Variants in KAZN observed in about 807,000 individuals in gnomAD.
KAZN encodes the protein kazrin.
KAZN carries 40 observed loss-of-function variants against 87.4 expected under a neutral mutation model. The observed-to-expected ratio is 0.46, with a 90% CI of 0.36 to 0.60. The LOEUF (loss-of-function observed/expected upper bound fraction) is 0.60, where lower values mean the gene tolerates loss of function less well. Among genes scored for constraint, KAZN ranks in the 20% least tolerant of loss-of-function variants. The pLI is 0.00. For synonymous variants in KAZN, 466 were observed against 458.3 expected (o/e 1.02, Z -0.22); for missense variants, 898 against 1,073.9 (o/e 0.84, Z 2.29).
At chr1:13,929,505 G>C (rs1396397606) in intron 1 of KAZN, among the ~76,000 whole-genome samples, 1 of 152,194 alleles carries the variant, frequency 6.6e-6, no homozygotes, top group African/African-American at 2.4e-5. Flanking sequence ...TTTATGGGCA[G>C]AATGACTTTG....
At chr1:14,060,526 A>G (rs1642754167) in intron 1 of KAZN, among the ~76,000 whole-genome samples, 1 of 152,176 alleles carries the variant, frequency 6.6e-6, no homozygotes, top group South Asian at 2.1e-4. Context: ...TCAAGGTTTA[A>G]TTCAAGGGTT....
At chr1:15,038,823 A>G (rs10927645) in intron 3 of KAZN, among the ~76,000 whole-genome samples, 4,358 of 85,004 alleles carry the variant, frequency 0.051, 260 homozygotes, top group African/African-American at 0.2. Flanking sequence ...TGCACCTACT[A>G]TATACAGACA....
chr1:14,971,288 C>T (rs1178342882), intron 2 of KAZN, among the ~76,000 whole-genome samples: 1 of 152,198 alleles, frequency 6.6e-6, no homozygotes. Context: ...ATCCCAGCTA[C>T]TCAGGAGGCT....
intron 1 of KAZN, among the ~76,000 whole-genome samples, chr1:13,957,286 C>T (rs899779396): frequency 2.0e-5 from 3 of 152,174 alleles, no homozygotes; most frequent in Non-Finnish European, 2.9e-5. Flanking sequence ...ACTCTAAGGC[C>T]AGTGCCCCTG....
intron 2 of KAZN, among the ~76,000 whole-genome samples, chr1:14,310,073 C>T (rs1254529343): frequency 6.6e-6 from 1 of 151,858 alleles, no homozygotes; most frequent in Non-Finnish European, 1.5e-5. Flanking sequence ...GAGCAACGGG[C>T]GGCAAGGGAA....
Position 14,440,706 on chromosome 1 carries a change from A to G in KAZN, c.250-158277A>G, listed in dbSNP as rs1394215963. Among the ~76,000 whole-genome samples, 3 of 152,218 alleles carry G rather than the reference A, an allele frequency of 2.0e-5. No individual in the cohort carries two copies. In the South Asian group the frequency reaches 6.2e-4, roughly 32 times the overall value. On this transcript the variant is annotated intron_variant, in intron 2 of 16. Coordinates refer to the KAZN transcript ENST00000636203. ...AATTTCAAGGCAGCCACAGCAGAGC[A>G]TTAAACCAAGCATGGTGCTCTTCTG...
intron 14 of KAZN, chr1:15,113,942 G>A (rs1641750275): frequency 6.5e-6 from 1 of 152,672 alleles, no homozygotes; most frequent in Non-Finnish European, 1.5e-5. Flanking sequence ...AGAAAAATGG[G>A]CTCAGAGAGG....
intron 2 of KAZN, among the ~76,000 whole-genome samples, chr1:14,356,147 C>T (rs190035984): frequency 6.6e-6 from 1 of 152,240 alleles, no homozygotes; most frequent in East Asian, 1.9e-4. Context: ...TGGTATCTCA[C>T]TGTGGTTTTG....
Position 15,037,363 on chromosome 1 carries a change from G to C in KAZN, c.555+2478G>C, listed in dbSNP as rs567878925. Among the ~76,000 whole-genome samples the C allele has an allele frequency of 2.0e-5, 3 of 152,292 alleles. No individual in the cohort carries two copies. In the South Asian group the frequency reaches 6.2e-4, roughly 32 times the overall value. On this transcript the variant is annotated intron_variant, in intron 3 of 14. Coordinates refer to ENST00000376030, the MANE Select transcript of KAZN (RefSeq NM_201628.3). ...TGAGCCACCAGCTTCCTCCCCTCCT[G>C]GGACCAGGGTCACGCAGGGATTAAG...
At chr1:14,203,471 T>A (rs1646681129) in intron 2 of KAZN, among the ~76,000 whole-genome samples, 1 of 152,214 alleles carries the variant, frequency 6.6e-6, no homozygotes, top group Admixed American at 6.5e-5. Flanking sequence ...ACTTCTGGAA[T>A]GTGTAATATG....
intron 13 of KAZN, among the ~76,000 whole-genome samples, chr1:15,106,005 C>G (rs1404439241): frequency 6.6e-6 from 1 of 152,156 alleles, no homozygotes; most frequent in East Asian, 1.9e-4. Context: ...TTAGGCCAGG[C>G]ATGGTGGCTC....
chr1:14,180,185 T>G (rs1646167214), intron 1 of KAZN, among the ~76,000 whole-genome samples: 1 of 152,164 alleles, frequency 6.6e-6, no homozygotes, highest in Admixed American at 6.5e-5. Context: ...GTAGGTACCA[T>G]GTCAGGCTTT....
chr1:14,192,682 T>C (rs949473185), intron 2 of KAZN, among the ~76,000 whole-genome samples: 2 of 152,170 alleles, frequency 1.3e-5, no homozygotes, highest in Non-Finnish European at 2.9e-5. Context: ...GAATCAGTGT[T>C]TTCAGAATCT....
chr1:14,664,654 T>TC lies in KAZN; in HGVS notation c.226+65431_226+65432insC, dbSNP rs1491226609. ...GCCCAGGGATCCTTTTCTTTTTCTCTTTTTTTTTTTTTTTTCTGAGACAGA... is the reference window on the plus strand; with the variant it reads ...GCCCAGGGATCCTTTTCTTTTTCTCTCTTTTTTTTTTTTTTTCTGAGACAGA... On this transcript the variant is annotated intron_variant, in intron 1 of 14. Coordinates refer to ENST00000376030, the MANE Select transcript of KAZN (RefSeq NM_201628.3). 1.6e-3 allele frequency among the ~76,000 whole-genome samples: 188 copies of TC among 119,954 alleles called. 1 individual carries two copies. Among genetic ancestry groups the TC allele is most frequent in the African/African-American group, 6.1e-3 (158 of 25,700 alleles). 78.7% of individuals were successfully genotyped at this position (119,954 alleles called of 152,430 possible). A position where few individuals can be genotyped will look rare whatever the true frequency, so the allele number is the denominator to read the frequency against.
chr1:14,344,433 C>A (rs1461017854), intron 2 of KAZN, among the ~76,000 whole-genome samples: 1 of 150,416 alleles, frequency 6.6e-6, no homozygotes, highest in African/African-American at 2.4e-5. Flanking sequence ...TTTCTTTTTT[C>A]CTTTTTGATG....
intron 1 of KAZN, among the ~76,000 whole-genome samples, chr1:14,042,820 C>T (rs901587851): frequency 2.0e-5 from 3 of 152,188 alleles, no homozygotes; most frequent in Admixed American, 1.3e-4. Flanking sequence ...TTGCATGTTA[C>T]TGAATACTAG....
At chr1:14,877,150 T>A (rs920333122) in intron 1 of KAZN, among the ~76,000 whole-genome samples, 1 of 152,094 alleles carries the variant, frequency 6.6e-6, no homozygotes, top group Non-Finnish European at 1.5e-5. Flanking sequence ...TTCCCCGCAC[T>A]CTCTCGGACT....
At position 15,065,940 on chromosome 1, in the gene KAZN, G is replaced by T. The variant is rs572251640; in HGVS notation, c.1222+187G>T. 1.2e-5 allele frequency: 17 copies of T among 1,412,404 alleles called. No homozygotes were observed. The Admixed American group carries it at 5.2e-4, about 43-fold the overall frequency. The allele number at this position is 1,412,404 out of a possible 1,614,324, so 87.5% of individuals were successfully genotyped here. A position where few individuals can be genotyped will look rare whatever the true frequency, so the allele number is the denominator to read the frequency against. On this transcript the variant is annotated intron_variant, in intron 8 of 14. Coordinates refer to ENST00000376030, the MANE Select transcript of KAZN (RefSeq NM_201628.3). ...ACACATGGGTGCTGGGTGTGGCCGAGCGCCTCTAACAAGTGAAAACACGAG... is the reference window on the plus strand; with the variant it reads ...ACACATGGGTGCTGGGTGTGGCCGATCGCCTCTAACAAGTGAAAACACGAG...
chr1:14,943,692 A>G (rs1661405071), intron 1 of KAZN, among the ~76,000 whole-genome samples: 1 of 152,258 alleles, frequency 6.6e-6, no homozygotes, highest in African/African-American at 2.4e-5. Flanking sequence ...CTTGGTTAGT[A>G]AGTGGCTGGG....
Sources: allele counts gnomAD v4.1 joint callset (sites outside exome capture counted in the v4.1 genomes callset), GRCh38; gene constraint gnomAD v4.1.1; transcripts MANE v1.5; gene names NCBI Gene and HGNC (gene_info 2026-07-23, HGNC 2026-07-21).